Variants in PRPF39 observed in about 807,000 individuals in gnomAD.
The protein encoded by PRPF39 is pre-mRNA-processing factor 39.
Under a neutral mutation model 82.1 loss-of-function variants are expected in PRPF39, and 27 were observed. That is an observed-to-expected ratio of 0.33 (90% CI 0.24 to 0.45). The LOEUF is 0.45. Among genes scored for constraint, PRPF39 ranks in the 20% least tolerant of loss-of-function variants. The pLI, the probability that PRPF39 is intolerant of heterozygous loss-of-function variation, is 1.00. For missense variants in PRPF39, 581 were observed against 796.9 expected, an observed-to-expected ratio of 0.73 and a Z score of 3.26; for synonymous variants, 261 against 256.4, an observed-to-expected ratio of 1.02 and a Z score of -0.17.
Position 45,111,269 on chromosome 14 carries a change from G to C in PRPF39, c.1572+452G>C, listed in dbSNP as rs541073840. Among the ~76,000 whole-genome samples, 6 of 152,202 alleles carry C rather than the reference G, an allele frequency of 3.9e-5. No individual in the cohort carries two copies. In the South Asian group the frequency reaches 1.0e-3, roughly 26 times the overall value. ...GTATAGGTAATAGGTAATTTCTCAA[G>C]TTTTAGGATTTTAGTTATTGCCAGG... On this transcript the variant is annotated intron_variant, in intron 10 of 13. Coordinates refer to ENST00000355765, the MANE Select transcript of PRPF39 (RefSeq NM_017922.4).
At position 45,096,664 on chromosome 14, in the gene PRPF39, C is replaced by G. The variant is rs1376227791; in HGVS notation, c.451-223C>G. ...TAACCCAAAGCCTGCCCACACAACC[C>G]GGTCAGAATGCAGGGACTGCTGCGC... On this transcript the variant is annotated intron_variant, in intron 3 of 13. Coordinates refer to ENST00000355765, the MANE Select transcript of PRPF39 (RefSeq NM_017922.4). 1.3e-5 allele frequency: 20 copies of G among 1,503,318 alleles called. No individual in the cohort carries two copies. In the South Asian group the frequency reaches 2.2e-4, roughly 16 times the overall value. The allele number at this position is 1,503,318 out of a possible 1,614,324, so 93.1% of individuals were successfully genotyped here. A position where few individuals can be genotyped will look rare whatever the true frequency, so the allele number is the denominator to read the frequency against.
intron 4 of PRPF39, among the ~76,000 whole-genome samples, chr14:45,097,346 T>G (rs1273844585): frequency 6.6e-6 from 1 of 152,172 alleles, no homozygotes; most frequent in African/African-American, 2.4e-5. Flanking sequence ...TGCCATATTT[T>G]TTAACAATTA....
intron 4 of PRPF39, among the ~76,000 whole-genome samples, chr14:45,102,070 G>A (rs994129217): frequency 2.6e-5 from 4 of 152,048 alleles, no homozygotes; most frequent in Admixed American, 2.6e-4. Flanking sequence ...GCCTCCCTAA[G>A]TGCTGCGATT....
At chr14:45,095,198 C>T in intron 1 of PRPF39, 23 bp from the exon 2 acceptor site, 2 of 1,426,160 alleles carry the variant, frequency 1.4e-6, no homozygotes, top group African/African-American at 1.4e-5. Flanking sequence ...GAAGATATTT[C>T]TCTTTTTTTC....
In PRPF39 at chr14:45,105,651, C is replaced by T. The variant is rs1380827333; in HGVS notation, c.738-1800C>T. 5.3e-5 allele frequency among the ~76,000 whole-genome samples: 8 copies of T among 151,548 alleles called. No homozygotes were observed. In the East Asian group the frequency reaches 1.2e-3, roughly 22 times the overall value. Reference sequence around the variant, plus strand: ...AAGTGATTCTCCTGCCTCAGCCTCCCGAGTAGCTGGGATTACAGGTGCCCG... The same window carrying T: ...AAGTGATTCTCCTGCCTCAGCCTCCTGAGTAGCTGGGATTACAGGTGCCCG... On this transcript the variant is annotated intron_variant, in intron 5 of 13. Coordinates refer to ENST00000355765, the MANE Select transcript of PRPF39 (RefSeq NM_017922.4).
intron 5 of PRPF39, among the ~76,000 whole-genome samples, chr14:45,106,709 G>T (rs1884544621): frequency 6.6e-6 from 1 of 152,140 alleles, no homozygotes; most frequent in Non-Finnish European, 1.5e-5. Flanking sequence ...ATTTCAAGCT[G>T]TATGAATGAG....
At chr14:45,095,636 C>G in intron 2 of PRPF39, 73 bp downstream of exon 2, 2 of 1,423,502 alleles carry the variant, frequency 1.4e-6, no homozygotes, top group Non-Finnish European at 1.9e-6. Context: ...AACAGTAGAC[C>G]TTATTGTTTA....
chr14:45,108,308 T>C, intron 6 of PRPF39, 107 bp from the exon 7 acceptor site: 1 of 1,286,870 alleles, frequency 7.8e-7, no homozygotes. Flanking sequence ...TCTACCACTA[T>C]TCTAAGACTA....
At chr14:45,093,231 T>A (rs892304974) in intron 1 of PRPF39, among the ~76,000 whole-genome samples, 10 of 152,054 alleles carry the variant, frequency 6.6e-5, no homozygotes, top group Non-Finnish European at 1.3e-4. Flanking sequence ...TGATTTATTT[T>A]TTTTTTTTTG....
chr14:45,089,584 G>A (rs1381149905), intron 1 of PRPF39, among the ~76,000 whole-genome samples: 1 of 152,092 alleles, frequency 6.6e-6, no homozygotes, highest in African/African-American at 2.4e-5. Context: ...GCTAATTTTT[G>A]TATTTTTTTG....
At position 45,110,894 on chromosome 14, in the gene PRPF39, ATG is replaced by A; in HGVS notation, c.1572+78_1572+79del. 1.5e-6 allele frequency: 2 copies of A among 1,330,334 alleles called. No homozygotes were observed. The highest frequency in any genetic ancestry group is 2.0e-6 in the Non-Finnish European group (2 of 979,442). 82.4% of individuals were successfully genotyped at this position (1,330,334 alleles called of 1,614,324 possible). A position where few individuals can be genotyped will look rare whatever the true frequency, so the allele number is the denominator to read the frequency against. ...GTGTATTTTCACTGTGGCAACTGTGATGAAAGATTTGGTCTGTATGTAATAGA... is the reference window on the plus strand; with the variant it reads ...GTGTATTTTCACTGTGGCAACTGTGAAAAGATTTGGTCTGTATGTAATAGA... On this transcript the variant is annotated intron_variant, in intron 10 of 13. Transcript: ENST00000355765. This position sits in a 1 kb window ranked among gnomAD's most constrained non-coding sequence, Gnocchi z 4.0.
At chr14:45,094,170 T>C (rs921319991) in intron 1 of PRPF39, among the ~76,000 whole-genome samples, 3 of 152,158 alleles carry the variant, frequency 2.0e-5, no homozygotes, top group African/African-American at 7.2e-5. Flanking sequence ...ATCAGTTTTA[T>C]GGTCTGCTTA....
At chr14:45,101,386 T>C (rs910451752) in intron 4 of PRPF39, among the ~76,000 whole-genome samples, 1 of 152,230 alleles carries the variant, frequency 6.6e-6, no homozygotes, top group South Asian at 2.1e-4. Context: ...CATTGGAGTA[T>C]TAAATCCAGT....
chr14:45,112,634 G>T, intron 11 of PRPF39, 132 bp downstream of exon 11: 2 of 901,532 alleles, frequency 2.2e-6, no homozygotes, highest in Non-Finnish European at 3.0e-6. Flanking sequence ...TTTTTCCTCA[G>T]ATATATATGG....
In PRPF39 at chr14:45,110,993, T is replaced by G. The variant is rs893500038; in HGVS notation, c.1572+176T>G. On this transcript the variant is annotated intron_variant, in intron 10 of 13. Transcript: ENST00000355765. The surrounding 1 kb of genome is among the most constrained non-coding windows in gnomAD (Gnocchi z 4.0). ...ATTTAAAAATTTTTTTCAAATTGTT[T>G]TGAATTAAAAGTTTTAGACATTAAG... The G allele has an allele frequency of 3.2e-6, 2 of 631,416 alleles. No individual in the cohort carries two copies. The highest frequency in any genetic ancestry group is 5.3e-6 in the Non-Finnish European group (2 of 376,990). The allele number at this position is 631,416 out of a possible 1,614,324, so 39.1% of individuals were successfully genotyped here. A position where few individuals can be genotyped will look rare whatever the true frequency, so the allele number is the denominator to read the frequency against.
chr14:45,097,005 G>C lies in PRPF39; in HGVS notation c.569G>C (p.Gly190Ala), dbSNP rs576708071. Reference sequence around the variant, plus strand: ...CCTGAGACAAACAATACAATAAGAGGGTATGTGGAACATTGATACTGAAAT... The same window carrying C: ...CCTGAGACAAACAATACAATAAGAGCGTATGTGGAACATTGATACTGAAAT... ...GDPETNNTIR[G>A]TFEHAVLAAG... is the part of the protein sequence containing the mutation. Residue 190 changes from glycine to alanine, a missense_variant and splice_region_variant, in exon 4 of 14, where the codon GGA (glycine) becomes GCA (alanine). Gly to Ala is a moderately conservative substitution (Grantham distance 60). Coordinates refer to ENST00000355765, the MANE Select transcript of PRPF39 (RefSeq NM_017922.4). 6.6e-7 allele frequency: 1 copy of C among 1,525,188 alleles called. No individual in the cohort carries two copies. Among genetic ancestry groups the C allele is most frequent in the African/African-American group, 1.4e-5 (1 of 71,274 alleles). The allele number at this position is 1,525,188 out of a possible 1,614,324, so 94.5% of individuals were successfully genotyped here. A position where few individuals can be genotyped will look rare whatever the true frequency, so the allele number is the denominator to read the frequency against.
rs926133330 is a variant in PRPF39, at chr14:45,115,041, G to C, written c.*128G>C. The C allele has an allele frequency of 1.1e-5, 7 of 642,982 alleles. No homozygotes were observed. The highest frequency in any genetic ancestry group is 1.8e-5 in the Non-Finnish European group (7 of 389,888). The allele number at this position is 642,982 out of a possible 1,614,324, so 39.8% of individuals were successfully genotyped here. A position where few individuals can be genotyped will look rare whatever the true frequency, so the allele number is the denominator to read the frequency against. On this transcript the variant is annotated 3_prime_UTR_variant, in exon 14 of 14. Transcript: ENST00000355765. ...TGTCTTCCTTGTTTCTGTGTAACAT[G>C]ATTTGTTTAGTAATAGGGGGAAAAT... is the stretch of plus-strand genomic sequence containing the variant.
rs1884737991 is a variant in PRPF39, at chr14:45,112,997, G to A, written c.1757+495G>A. Among the ~76,000 whole-genome samples the A allele has an allele frequency of 2.0e-5, 3 of 152,150 alleles. No individual in the cohort carries two copies. The South Asian group carries it at 6.2e-4, about 32-fold the overall frequency. ...GGATGGTTGAAGAGAATGCTCCAGT[G>A]GATTTGGGAAAAGGACAAGTTTAAG... is the stretch of plus-strand genomic sequence containing the variant. On this transcript the variant is annotated intron_variant, in intron 11 of 13. Transcript: ENST00000355765.
chr14:45,088,170 A>G (rs771763685), intron 1 of PRPF39: 18 of 155,734 alleles, frequency 1.2e-4, no homozygotes, highest in Admixed American at 3.2e-4. Flanking sequence ...CTGTTGGGGC[A>G]TGATTGAGGG....
Sources: allele counts gnomAD v4.1 joint callset (sites outside exome capture counted in the v4.1 genomes callset), GRCh38; gene constraint gnomAD v4.1.1; non-coding constraint Gnocchi (gnomAD v3.1); transcripts MANE v1.5; gene names NCBI Gene and HGNC (gene_info 2026-07-23, HGNC 2026-07-21).